LTBP1: variants seen among roughly 807,000 people sequenced by gnomAD.
LTBP1 encodes the protein latent transforming growth factor beta binding protein 1.
LTBP1 carries 129 observed loss-of-function variants against 207.6 expected under a neutral mutation model. That is an observed-to-expected ratio of 0.62 (90% CI 0.54 to 0.72). The LOEUF is 0.72. Ranked by LOEUF, LTBP1 falls within the 30% of genes least tolerant of loss-of-function variation. The pLI is 0.00. For synonymous variants in LTBP1, 963 were observed against 833.7 expected (o/e 1.16, Z -2.67); for missense variants, 2,281 against 2,217.2 (o/e 1.03, Z -0.58).
At chr2:33,333,729 C>A (rs1448254447) in intron 24 of LTBP1, among the ~76,000 whole-genome samples, 1 of 151,826 alleles carries the variant, frequency 6.6e-6, no homozygotes, top group Non-Finnish European at 1.5e-5. Context: ...GTGGGTGTGT[C>A]CCATAGGGAA....
chr2:33,041,874 G>A (rs2076202968), intron 3 of LTBP1, among the ~76,000 whole-genome samples: 1 of 152,106 alleles, frequency 6.6e-6, no homozygotes, highest in Non-Finnish European at 1.5e-5. Flanking sequence ...AAGAGGTGAG[G>A]TAGCTGAGAG....
At chr2:32,996,944 G>A (rs373957239) in intron 2 of LTBP1, among the ~76,000 whole-genome samples, 19 of 152,210 alleles carry the variant, frequency 1.2e-4, no homozygotes, top group African/African-American at 4.1e-4. Context: ...GAGTGCTGTG[G>A]CATAATCTTG....
chr2:32,967,534 T>C (rs1680188918), intron 2 of LTBP1, among the ~76,000 whole-genome samples: 1 of 152,226 alleles, frequency 6.6e-6, no homozygotes, highest in Non-Finnish European at 1.5e-5. Context: ...TTCATTTAGG[T>C]CTAAAATATT....
chr2:33,281,383 T>C (rs564268656), intron 19 of LTBP1, among the ~76,000 whole-genome samples: 1 of 152,098 alleles, frequency 6.6e-6, no homozygotes, highest in Admixed American at 6.6e-5. Flanking sequence ...AAACAGCATA[T>C]GCAAGAGGCT....
At chr2:32,969,335 A>G (rs1214952427) in intron 2 of LTBP1, among the ~76,000 whole-genome samples, 2 of 101,708 alleles carry the variant, frequency 2.0e-5, no homozygotes, top group Non-Finnish European at 4.9e-5. Context: ...ATATAGGTAA[A>G]TTGTGTGTTG....
intron 3 of LTBP1, among the ~76,000 whole-genome samples, chr2:33,029,871 T>C (rs1223460698): frequency 1.3e-5 from 2 of 152,222 alleles, no homozygotes; most frequent in East Asian, 1.9e-4. Flanking sequence ...AAATTGTTTA[T>C]TTTCAAAACA....
chr2:33,064,971 C>G (rs1330532641), intron 3 of LTBP1, among the ~76,000 whole-genome samples: 1 of 152,078 alleles, frequency 6.6e-6, no homozygotes, highest in Non-Finnish European at 1.5e-5. Flanking sequence ...TCATCTTTGC[C>G]TTTTGTTCTA....
intron 5 of LTBP1, among the ~76,000 whole-genome samples, chr2:33,137,785 G>A (rs897776303): frequency 1.3e-5 from 2 of 152,176 alleles, no homozygotes; most frequent in African/African-American, 4.8e-5. Context: ...TAGGTTCAGA[G>A]TGTTAATTAA....
chr2:33,133,487 A>C (rs958239701), intron 4 of LTBP1, among the ~76,000 whole-genome samples: 1 of 152,124 alleles, frequency 6.6e-6, no homozygotes, highest in Non-Finnish European at 1.5e-5. Flanking sequence ...GTCTCCTGGA[A>C]AGAGGAAGGA....
intron 5 of LTBP1, among the ~76,000 whole-genome samples, chr2:33,178,094 C>G (rs1401700854): frequency 6.6e-6 from 1 of 152,158 alleles, no homozygotes; most frequent in Admixed American, 6.5e-5. Context: ...CAGATGGAGA[C>G]ACTGTAGTCT....
At chr2:33,292,277 AAAAAC>A (rs2093789119) in intron 19 of LTBP1, among the ~76,000 whole-genome samples, 1 of 152,256 alleles carries the variant, frequency 6.6e-6, no homozygotes, top group South Asian at 2.1e-4. Context: ...AGCAAATAAT[AAAAAC>A]AAACATCAAT....
chr2:33,298,268 G>A (rs1275140309), intron 20 of LTBP1, among the ~76,000 whole-genome samples: 1 of 152,144 alleles, frequency 6.6e-6, no homozygotes, highest in Non-Finnish European at 1.5e-5. Context: ...TAACTGTGTT[G>A]CCTCAAGTTA....
chr2:32,972,590 G>C (rs1681072047), intron 2 of LTBP1, among the ~76,000 whole-genome samples: 1 of 152,106 alleles, frequency 6.6e-6, no homozygotes, highest in Middle Eastern at 3.2e-3. Flanking sequence ...ATATGGTTTA[G>C]CTCTGTGTCC....
intron 23 of LTBP1, among the ~76,000 whole-genome samples, chr2:33,310,551 G>A (rs7585567): frequency 0.017 from 2,581 of 152,220 alleles, 80 homozygotes; most frequent in African/African-American, 0.058. Flanking sequence ...CTGAGGCTCC[G>A]AGAAGTTAGG....
chr2:33,235,061 A>T (rs977604972), intron 9 of LTBP1, among the ~76,000 whole-genome samples: 1 of 152,256 alleles, frequency 6.6e-6, no homozygotes, highest in Non-Finnish European at 1.5e-5. Context: ...GGATCTAATT[A>T]AACTAAAGAG....
chr2:33,273,523 C>G (rs1176182001), intron 15 of LTBP1, 133 bp from the exon 16 acceptor site: 1 of 579,716 alleles, frequency 1.7e-6, no homozygotes, highest in Non-Finnish European at 2.9e-6. Context: ...TCAGAGGTCA[C>G]CTTTGTCTTC....
At position 33,218,988 on chromosome 2, in the gene LTBP1, A is replaced by G. The variant is rs544921909; in HGVS notation, c.1804+1334A>G. Among the ~76,000 whole-genome samples, 9 of 152,294 alleles carry G rather than the reference A, an allele frequency of 5.9e-5. No individual in the cohort carries two copies. In the South Asian group the frequency reaches 1.7e-3, roughly 28 times the overall value. ...TTTGCCATCTGGGCATTAGTATTCC[A>G]TATCTCTTTCTTACATTATTTGTTC... On this transcript the variant is annotated intron_variant, in intron 8 of 33. Coordinates refer to ENST00000404816, the MANE Select transcript of LTBP1 (RefSeq NM_206943.4).
intron 2 of LTBP1, among the ~76,000 whole-genome samples, chr2:32,960,179 A>G (rs1378767339): frequency 6.6e-6 from 1 of 152,112 alleles, no homozygotes; most frequent in Non-Finnish European, 1.5e-5. Flanking sequence ...ACTTTTCTCA[A>G]CCTTCAGACG....
chr2:33,240,516 C>G (rs2092274135), intron 9 of LTBP1, among the ~76,000 whole-genome samples: 1 of 152,128 alleles, frequency 6.6e-6, no homozygotes, highest in Non-Finnish European at 1.5e-5. Flanking sequence ...GCAGTTGCTC[C>G]TGTTTCTTAA....
Sources: allele counts gnomAD v4.1 joint callset (sites outside exome capture counted in the v4.1 genomes callset), GRCh38; gene constraint gnomAD v4.1.1; transcripts MANE v1.5; gene names NCBI Gene and HGNC (gene_info 2026-07-23, HGNC 2026-07-21).